The following RABEP1 variants were observed in gnomAD, a reference collection of about 807,000 sequenced individuals.
RABEP1 encodes the protein rabaptin, RAB GTPase binding effector protein 1.
A neutral mutation model predicts 123.4 loss-of-function variants in RABEP1; 51 were observed. That is an observed-to-expected ratio of 0.41 (90% CI 0.33 to 0.52). The LOEUF is 0.52. RABEP1 is among the 20% of genes least tolerant of loss of function. The pLI is 0.16. For synonymous variants in RABEP1, 347 were observed against 355.2 expected, an observed-to-expected ratio of 0.98 and a Z score of 0.26; for missense variants, 888 against 996.3, an observed-to-expected ratio of 0.89 and a Z score of 1.46.
intron 2 of RABEP1, among the ~76,000 whole-genome samples, chr17:5,326,610 A>C (rs1195850963): frequency 6.6e-6 from 1 of 152,190 alleles, no homozygotes; most frequent in East Asian, 1.9e-4. Context: ...TAGCACATTT[A>C]AGAGTGAACC....
At chr17:5,377,365 A>C in intron 14 of RABEP1, 60 bp downstream of exon 14, 11 of 1,371,350 alleles carry the variant, frequency 8.0e-6, no homozygotes, top group East Asian at 4.7e-5. Flanking sequence ...TTAGTAAAAG[A>C]AGCAATACAT....
intron 2 of RABEP1, among the ~76,000 whole-genome samples, chr17:5,314,788 G>A (rs1243926718): frequency 1.3e-5 from 2 of 152,180 alleles, no homozygotes; most frequent in African/African-American, 4.8e-5. Context: ...AAAGTGCTGG[G>A]ATTACAGGTG....
intron 5 of RABEP1, among the ~76,000 whole-genome samples, chr17:5,342,855 A>T (rs55913010): frequency 6.6e-6 from 1 of 152,122 alleles, no homozygotes; most frequent in Non-Finnish European, 1.5e-5. Flanking sequence ...GTTTAGGGAT[A>T]AACAAATGGA....
intron 1 of RABEP1, among the ~76,000 whole-genome samples, chr17:5,298,977 A>T (rs1239811467): frequency 1.3e-5 from 2 of 152,162 alleles, no homozygotes; most frequent in Non-Finnish European, 2.9e-5. Context: ...TTAAACTAGG[A>T]ATCTGTGATT....
intron 1 of RABEP1, among the ~76,000 whole-genome samples, chr17:5,284,471 T>C (rs1395954823): frequency 6.6e-6 from 1 of 151,982 alleles, no homozygotes; most frequent in Non-Finnish European, 1.5e-5. Context: ...TTTTAATTTT[T>C]TTTTTTTTCT....
At chr17:5,282,778 G>A (rs2074939991) in intron 1 of RABEP1, among the ~76,000 whole-genome samples, 1 of 151,316 alleles carries the variant, frequency 6.6e-6, no homozygotes, top group African/African-American at 2.4e-5. Flanking sequence ...GGAGGCTGCT[G>A]GGTAGCGTGG....
intron 1 of RABEP1, among the ~76,000 whole-genome samples, chr17:5,296,057 G>C (rs1170329060): frequency 2.6e-5 from 4 of 152,028 alleles, no homozygotes; most frequent in Non-Finnish European, 5.9e-5. Flanking sequence ...AGGTCTTTTT[G>C]ATGTGTTTAA....
rs189065721 is a variant in RABEP1 at position 5,283,640 on chromosome 17, A to G, written c.34+1120A>G. Among the ~76,000 whole-genome samples the G allele has an allele frequency of 2.8e-4, 42 of 152,330 alleles. No individual in the cohort carries two copies. In the East Asian group the frequency reaches 5.8e-3, roughly 21 times the overall value. Reference sequence around the variant, plus strand: ...AAAAGGGGCTTGGTACGGAGTAGGTACTTTAAAACTTGGCTTTCCTTGGGG... The same window carrying G: ...AAAAGGGGCTTGGTACGGAGTAGGTGCTTTAAAACTTGGCTTTCCTTGGGG... On this transcript the variant is annotated intron_variant, in intron 1 of 17. Transcript: ENST00000537505.
Position 5,299,745 on chromosome 17 carries a change from TTTG to T in RABEP1, c.35-8948_35-8946del, listed in dbSNP as rs796417186. 8.5e-4 allele frequency among the ~76,000 whole-genome samples: 114 copies of T among 133,386 alleles called. 13 individuals are homozygous for T. Among genetic ancestry groups the T allele is most frequent in the Non-Finnish European group, 1.2e-3 (78 of 64,046 alleles). The allele number at this position is 133,386 out of a possible 152,430, so 87.5% of individuals were successfully genotyped here. On this transcript the variant is annotated intron_variant, in intron 1 of 17. Coordinates refer to ENST00000537505, the MANE Select transcript of RABEP1 (RefSeq NM_004703.6). ...TTTTTCTTTTTCTTTTTTTTTTTTT[TTTG>T]GAGGCAGAGTCTCTCCTTGTCGCCA...
intron 1 of RABEP1, among the ~76,000 whole-genome samples, chr17:5,287,614 A>C (rs1235701034): frequency 4.0e-5 from 6 of 148,200 alleles, no homozygotes; most frequent in South Asian, 2.1e-4. Flanking sequence ...AAAAAAAAAA[A>C]AAAAAAAAAC....
intron 1 of RABEP1, among the ~76,000 whole-genome samples, chr17:5,285,601 A>G (rs2074970313): frequency 6.6e-6 from 1 of 152,140 alleles, no homozygotes; most frequent in Non-Finnish European, 1.5e-5. Flanking sequence ...TTATATACTC[A>G]TGGTTATATG....
At chr17:5,314,234 C>CT (rs71151864) in intron 2 of RABEP1, among the ~76,000 whole-genome samples, 25,268 of 55,214 alleles carry the variant, frequency 0.46, 10,220 homozygotes, top group South Asian at 0.63. Context: ...AGTACCTATT[C>CT]TTTTTTTTTT....
At chr17:5,372,345 T>C (rs1454065525) in intron 12 of RABEP1, among the ~76,000 whole-genome samples, 1 of 152,064 alleles carries the variant, frequency 6.6e-6, no homozygotes, top group Non-Finnish European at 1.5e-5. Context: ...CTTGGGAGGC[T>C]GAGGCAGGAG....
chr17:5,315,013 A>G (rs961751371), intron 2 of RABEP1, among the ~76,000 whole-genome samples: 6 of 152,242 alleles, frequency 3.9e-5, no homozygotes, highest in Admixed American at 3.9e-4. Flanking sequence ...GACGAAAAAT[A>G]GTAGGAATAG....
rs189543782 is a variant in RABEP1 at position 5,341,852 on chromosome 17, G to C, written c.648+3714G>C. ...TTATATTCATTTTGGATTCAGAGAG[G>C]TATTTGAGAAATTTGACCACTCAAT... is the stretch of plus-strand genomic sequence containing the variant. On this transcript the variant is annotated intron_variant, in intron 5 of 17. Coordinates refer to ENST00000537505, the MANE Select transcript of RABEP1 (RefSeq NM_004703.6). Among the ~76,000 whole-genome samples, 5 of 152,344 alleles carry C rather than the reference G, an allele frequency of 3.3e-5. No individual in the cohort carries two copies. In the East Asian group the frequency reaches 9.6e-4, roughly 29 times the overall value.
intron 2 of RABEP1, 144 bp from the exon 3 acceptor site, chr17:5,331,805 C>A: frequency 2.9e-6 from 2 of 692,062 alleles, no homozygotes; most frequent in Non-Finnish European, 4.7e-6. Context: ...ATTTGTGATA[C>A]CCAGCTTACC....
intron 1 of RABEP1, among the ~76,000 whole-genome samples, chr17:5,298,154 C>T (rs377650396): frequency 6.6e-6 from 1 of 152,144 alleles, no homozygotes; most frequent in Non-Finnish European, 1.5e-5. Flanking sequence ...AAATATAACC[C>T]TGTGTTTTTA....
chr17:5,381,248 TAAAG>T (rs1567557077), intron 16 of RABEP1, 137 bp from the exon 17 acceptor site: 1 of 1,196,212 alleles, frequency 8.4e-7, no homozygotes, highest in African/African-American at 1.5e-5. Context: ...GCCCTATAGA[TAAAG>T]AGATTGGTCG....
intron 8 of RABEP1, among the ~76,000 whole-genome samples, chr17:5,355,377 T>C (rs900482826): frequency 6.6e-6 from 1 of 152,212 alleles, no homozygotes; most frequent in Non-Finnish European, 1.5e-5. Flanking sequence ...CATCTTGTTA[T>C]CAGTGAAGGA....
Sources: allele counts gnomAD v4.1 joint callset (sites outside exome capture counted in the v4.1 genomes callset), GRCh38; gene constraint gnomAD v4.1.1; transcripts MANE v1.5; gene names NCBI Gene and HGNC (gene_info 2026-07-23, HGNC 2026-07-21).